Variants in CDH15 observed in about 807,000 individuals in gnomAD.
CDH15 encodes the protein cadherin 15, also known as cadherin-15.
A neutral mutation model predicts 69.4 loss-of-function variants in CDH15; 73 were observed. The observed-to-expected ratio is 1.05, with a 90% CI of 0.87 to 1.28. The LOEUF (loss-of-function observed/expected upper bound fraction) is 1.28. Among genes scored for constraint, CDH15 ranks in the 50% most tolerant of loss-of-function variants. The probability of loss-of-function intolerance (pLI) is 0.00; values close to 1 mark genes in which losing one functional copy is unlikely to be tolerated. For missense variants in CDH15, 1,343 were observed against 1,133.6 expected (o/e 1.18, Z -2.65); for synonymous variants, 624 against 507.7 (o/e 1.23, Z -3.08).
chr16:89,186,562 C>T (rs1915493031), intron 5 of CDH15, among the ~76,000 whole-genome samples: 1 of 124,334 alleles, frequency 8.0e-6, no homozygotes, highest in Admixed American at 8.0e-5. Context: ...ACAGTAGGTG[C>T]TCTGTGAACA....
At chr16:89,181,237 TC>T (rs1289582499) in intron 3 of CDH15, among the ~76,000 whole-genome samples, 1 of 152,110 alleles carries the variant, frequency 6.6e-6, no homozygotes, top group Non-Finnish European at 1.5e-5. Context: ...ATAATGTTGA[TC>T]CCAGTGGCCG....
intron 5 of CDH15, chr16:89,185,807 C>T (rs559732435): frequency 6.7e-4 from 175 of 259,422 alleles, no homozygotes; most frequent in Middle Eastern, 1.4e-3. Context: ...AGGGCAGGGA[C>T]CCAAGCTCAC....
chr16:89,193,098 C>T (rs1455674842), intron 11 of CDH15, among the ~76,000 whole-genome samples: 1 of 79,226 alleles, frequency 1.3e-5, no homozygotes, highest in Non-Finnish European at 2.5e-5. Flanking sequence ...CAGCCACGCC[C>T]CTTCTCCACT....
At position 89,176,876 on chromosome 16, in the gene CDH15, TCCCA is replaced by T. The variant is rs555587992; in HGVS notation, c.43-2536_43-2533del. Among the ~76,000 whole-genome samples, 1,170 of 152,230 alleles carry T rather than the reference TCCCA, an allele frequency of 7.7e-3. 17 individuals are homozygous for T. Among genetic ancestry groups the T allele is most frequent in the African/African-American group, 0.026 (1,088 of 41,534 alleles). Reference sequence around the variant, plus strand: ...TCGCCTGCCTGGGACCCCCAGCACCTCCCACCCGTCCCCCTGCCCGACATGGCAG... The same window carrying T: ...TCGCCTGCCTGGGACCCCCAGCACCTCCCGTCCCCCTGCCCGACATGGCAG... On this transcript the variant is annotated intron_variant, in intron 1 of 13. Transcript: ENST00000289746.
At chr16:89,194,235 C>T (rs1044356565) in intron 13 of CDH15, among the ~76,000 whole-genome samples, 1 of 152,146 alleles carries the variant, frequency 6.6e-6, no homozygotes, top group African/African-American at 2.4e-5. Context: ...GCTTCGGTGG[C>T]TGTCAGCGGA....
chr16:89,191,749 C>T lies in CDH15; in HGVS notation c.1470C>T (p.Ser490=). 1 of 1,604,884 alleles carries T rather than the reference C, an allele frequency of 6.2e-7. No homozygotes were observed. Among genetic ancestry groups the T allele is most frequent in the South Asian group, 1.1e-5 (1 of 90,980 alleles). The change falls in exon 10 of 14, where the codon AGC becomes AGT. Residue 490 remains serine, a synonymous_variant. Transcript: ENST00000289746. ...APVLAPPPPG[S]LCSEPHQGPG... is the part of the protein sequence containing the mutation. ...TGCTGGCCCCGCCGCCGCCGGGCAG[C>T]CTGTGCAGCGAGCCACACCAAGGCC...
At chr16:89,187,746 T>C (rs1351584380) in intron 6 of CDH15, among the ~76,000 whole-genome samples, 189 bp downstream of exon 6, 4 of 152,104 alleles carry the variant, frequency 2.6e-5, no homozygotes, top group Non-Finnish European at 5.9e-5. Flanking sequence ...AGTGTGTGAA[T>C]GGAGTCAGAG....
rs1172646958 is a variant in CDH15 at position 89,195,139 on chromosome 16, G to A, written c.2429G>A (p.Arg810Lys). ...CCTGGGGCACTGCTACCCAGACACAGAGGCCGGACAGCCTGACCCTGGGGC... is the reference window on the plus strand; with the variant it reads ...CCTGGGGCACTGCTACCCAGACACAAAGGCCGGACAGCCTGACCCTGGGGC... ...LSPGALLPRH[R>K]GRTA is the part of the protein sequence containing the mutation. The change falls in exon 14 of 14, where the codon AGA becomes AAA. Residue 810 changes from arginine (R) to lysine (K), a missense_variant. Coordinates refer to ENST00000289746, the MANE Select transcript of CDH15 (RefSeq NM_004933.3). The A allele has an allele frequency of 6.3e-6, 10 of 1,596,532 alleles. No homozygotes were observed. In the African/African-American group the frequency reaches 1.2e-4, roughly 19 times the overall value.
At chr16:89,177,942 C>T (rs926972244) in intron 1 of CDH15, among the ~76,000 whole-genome samples, 1 of 152,118 alleles carries the variant, frequency 6.6e-6, no homozygotes, top group Non-Finnish European at 1.5e-5. Context: ...AGGCAGGACC[C>T]GCCGTCTCTA....
At position 89,187,434 on chromosome 16, in the gene CDH15, C is replaced by T. The variant is rs138351924; in HGVS notation, c.669C>T (p.Val223=). The part of the protein sequence containing the change: ...TVQVGLDREV[V]AVYNLTLQVA... ...CCTGTGCCCCACATCCCCAGGTGGT[C>T]GCGGTGTACAATCTGACCCTGCAGG... The change falls in exon 6 of 14, where the codon GTC becomes GTT. Residue 223 remains valine, a synonymous_variant. Coordinates refer to ENST00000289746, the MANE Select transcript of CDH15 (RefSeq NM_004933.3). 5.6e-6 allele frequency: 9 copies of T among 1,612,896 alleles called. No homozygotes were observed. Among genetic ancestry groups the T allele is most frequent in the South Asian group, 1.1e-5 (1 of 91,032 alleles).
At chr16:89,188,817 C>A (rs1221636183) in intron 7 of CDH15, among the ~76,000 whole-genome samples, 1 of 92,428 alleles carries the variant, frequency 1.1e-5, no homozygotes, top group Non-Finnish European at 2.3e-5. Context: ...CATGCTGGCA[C>A]ACAGATGCCC....
intron 1 of CDH15, among the ~76,000 whole-genome samples, chr16:89,172,478 G>A (rs999789756): frequency 6.6e-6 from 1 of 152,208 alleles, no homozygotes; most frequent in African/African-American, 2.4e-5. Context: ...AGCCCTGGGG[G>A]CTCTGTTCCT....
Position 89,187,567 on chromosome 16 carries a change from C to G in CDH15, c.792+10C>G, listed in dbSNP as rs1216746699. ...GTTCACCAGGGATGAGGTGCTGCTG[C>G]TGTCCCTCCCTCGAAAGTAGCCCCT... On this transcript the variant is annotated intron_variant, in intron 6 of 13. Coordinates refer to ENST00000289746, the MANE Select transcript of CDH15 (RefSeq NM_004933.3). 1 of 1,613,150 alleles carries G rather than the reference C, an allele frequency of 6.2e-7. No homozygotes were observed. The highest frequency in any genetic ancestry group is 1.7e-5 in the Admixed American group (1 of 60,010).
chr16:89,194,954 G>T lies in CDH15; in HGVS notation c.2244G>T (p.Thr748=), dbSNP rs759351343. ...DYEGDGSVAG[T]LSSILSSQGD... ...AGGGTGACGGCTCGGTGGCGGGGACGCTGAGCTCCATCCTGTCCAGCCAGG... is the reference window on the plus strand; with the variant it reads ...AGGGTGACGGCTCGGTGGCGGGGACTCTGAGCTCCATCCTGTCCAGCCAGG... The change falls in exon 14 of 14, where the codon ACG becomes ACT. Residue 748 remains threonine (T), a synonymous_variant. Coordinates refer to ENST00000289746, the MANE Select transcript of CDH15 (RefSeq NM_004933.3). 1.9e-6 allele frequency: 3 copies of T among 1,609,204 alleles called. No homozygotes were observed. Among genetic ancestry groups the T allele is most frequent in the Non-Finnish European group, 2.5e-6 (3 of 1,178,644 alleles).
At position 89,192,460 on chromosome 16, in the gene CDH15, G is replaced by T. The variant is rs1424411772; in HGVS notation, c.1855+16G>T. On this transcript the variant is annotated intron_variant, in intron 11 of 13. Coordinates refer to ENST00000289746, the MANE Select transcript of CDH15 (RefSeq NM_004933.3). ...CTGCTGCTGGGTGAGTGAGCGCCCC[G>T]CCTCCACCTGGACCCTCGGACCCTC... The T allele has an allele frequency of 1.3e-6, 2 of 1,563,280 alleles. No individual in the cohort carries two copies. Among genetic ancestry groups the T allele is most frequent in the East Asian group, 4.7e-5 (2 of 42,594 alleles).
At chr16:89,175,103 C>T (rs1366758336) in intron 1 of CDH15, among the ~76,000 whole-genome samples, 1 of 152,196 alleles carries the variant, frequency 6.6e-6, no homozygotes, top group Non-Finnish European at 1.5e-5. Flanking sequence ...GGCTCTGTGG[C>T]TGCTGTGACC....
At chr16:89,193,945 C>T (rs1374241802) in intron 13 of CDH15, 32 bp downstream of exon 13, 4 of 1,606,294 alleles carry the variant, frequency 2.5e-6, no homozygotes, top group Non-Finnish European at 3.4e-6. Flanking sequence ...CCAGTACACA[C>T]AGGCACGCAC....
At chr16:89,185,051 C>G in intron 4 of CDH15, 122 bp from the exon 5 acceptor site, 3 of 929,026 alleles carry the variant, frequency 3.2e-6, no homozygotes, top group Non-Finnish European at 5.0e-6. Flanking sequence ...ACTGCCCCAT[C>G]TGGGGTCAGC....
rs187709041 is a variant in CDH15 at position 89,177,858 on chromosome 16, A to T, written c.43-1558A>T. On this transcript the variant is annotated intron_variant, in intron 1 of 13. Coordinates refer to ENST00000289746, the MANE Select transcript of CDH15 (RefSeq NM_004933.3). The stretch of plus-strand genomic sequence containing the variant: ...GGTCAGGGGTCTTTCAGGAAGAGCC[A>T]TGCAGCCCACCCAGAAACACTGACT... 2.0e-5 allele frequency among the ~76,000 whole-genome samples: 3 copies of T among 152,228 alleles called. No individual in the cohort carries two copies. In the East Asian group the frequency reaches 5.8e-4, roughly 29 times the overall value.
Sources: gnomAD v4.1 joint callset for allele counts (sites outside exome capture counted in the v4.1 genomes callset) on GRCh38, gnomAD v4.1.1 for gene constraint, MANE v1.5 for transcripts, NCBI Gene and HGNC (gene_info 2026-07-23, HGNC 2026-07-21) for gene names.